Variants in GABRB1 observed in about 807,000 individuals in gnomAD.
GABRB1 encodes the protein gamma-aminobutyric acid type A receptor subunit beta1.
GABRB1 carries 17 observed loss-of-function variants against 51.6 expected under a neutral mutation model. The ratio of observed to expected loss-of-function variants is 0.33; its 90% CI spans 0.23 to 0.49. GABRB1 has a LOEUF of 0.49. GABRB1 is among the 20% of genes least tolerant of loss of function. GABRB1 has a pLI of 0.99. For synonymous variants in GABRB1, 247 were observed against 218.9 expected (o/e 1.13, Z -1.14); for missense variants, 410 against 600.6 (o/e 0.68, Z 3.32).
intron 5 of GABRB1, among the ~76,000 whole-genome samples, chr4:47,375,181 A>G (rs1195433475): frequency 1.3e-5 from 2 of 152,234 alleles, no homozygotes; most frequent in African/African-American, 4.8e-5. Context: ...AATTACTGTT[A>G]TAGGTAAAGA....
intron 5 of GABRB1, among the ~76,000 whole-genome samples, chr4:47,350,833 C>A (rs1206722572): frequency 6.6e-6 from 1 of 152,090 alleles, no homozygotes; most frequent in Non-Finnish European, 1.5e-5. Flanking sequence ...TGACCCTGAT[C>A]AACGTGAACA....
intron 5 of GABRB1, among the ~76,000 whole-genome samples, chr4:47,338,861 C>T (rs1471943384): frequency 2.0e-5 from 3 of 152,120 alleles, no homozygotes; most frequent in Non-Finnish European, 4.4e-5. Context: ...GATAAATCTT[C>T]CATTTTTTTA....
At chr4:47,319,145 T>C (rs537849841) in intron 4 of GABRB1, among the ~76,000 whole-genome samples, 1 of 152,276 alleles carries the variant, frequency 6.6e-6, no homozygotes, top group South Asian at 2.1e-4. Context: ...CATCCTTTTG[T>C]GGGCATTTGT....
chr4:47,032,354 G>C, intron 2 of GABRB1, 63 bp from the exon 3 acceptor site: 2 of 1,432,704 alleles, frequency 1.4e-6, no homozygotes, highest in East Asian at 4.6e-5. Context: ...GAAGCCCCCA[G>C]ACCCTCCCCA....
chr4:47,333,463 C>A (rs564353887), intron 5 of GABRB1, among the ~76,000 whole-genome samples: 14 of 152,090 alleles, frequency 9.2e-5, no homozygotes, highest in Admixed American at 2.6e-4. Flanking sequence ...GCCTGTAATC[C>A]CAGCATTTTG....
chr4:47,049,805 T>C (rs1258017516), intron 3 of GABRB1, among the ~76,000 whole-genome samples: 1 of 152,180 alleles, frequency 6.6e-6, no homozygotes, highest in East Asian at 1.9e-4. Flanking sequence ...TCATAGAACA[T>C]AGTTTAGGGA....
chr4:47,266,079 T>C (rs190359176), intron 4 of GABRB1, among the ~76,000 whole-genome samples: 2 of 152,332 alleles, frequency 1.3e-5, no homozygotes, highest in African/African-American at 4.8e-5. Context: ...TTTCAGGTCT[T>C]ACATTTAACC....
chr4:47,249,710 C>T (rs1424553868), intron 4 of GABRB1, among the ~76,000 whole-genome samples: 1 of 152,116 alleles, frequency 6.6e-6, no homozygotes, highest in Non-Finnish European at 1.5e-5. Context: ...ACTACTGTTG[C>T]TTAAAAGTTT....
chr4:47,383,253 G>A (rs1210656141), intron 5 of GABRB1, among the ~76,000 whole-genome samples: 1 of 152,140 alleles, frequency 6.6e-6, no homozygotes, highest in African/African-American at 2.4e-5. Context: ...CCAGAGAAAA[G>A]CTATTTTTCT....
intron 5 of GABRB1, among the ~76,000 whole-genome samples, chr4:47,328,848 C>CTGTTG (rs1421047114): frequency 1.8e-4 from 27 of 151,190 alleles, no homozygotes; most frequent in Non-Finnish European, 2.4e-4. Context: ...AGCACACCAA[C>CTGTTG]ATGGCACATG....
At position 47,125,559 on chromosome 4, in the gene GABRB1, C is replaced by T. The variant is rs369500462; in HGVS notation, c.241-35690C>T. Among the ~76,000 whole-genome samples the T allele has an allele frequency of 2.3e-3, 182 of 80,652 alleles. 1 individual carries two copies. Among genetic ancestry groups the T allele is most frequent in the East Asian group, 4.2e-3 (11 of 2,598 alleles). The allele number at this position is 80,652 out of a possible 152,430, so 52.9% of individuals were successfully genotyped here. On this transcript the variant is annotated intron_variant, in intron 3 of 8. Transcript: ENST00000295454. The stretch of plus-strand genomic sequence containing the variant: ...CTCTAGACACAACAAAGTATAATTT[C>T]TTTTTTTTTTTTTTGAGACGGAGTC...
At chr4:47,394,385 T>C (rs1008012953) in intron 5 of GABRB1, among the ~76,000 whole-genome samples, 3 of 152,198 alleles carry the variant, frequency 2.0e-5, no homozygotes, top group African/African-American at 7.2e-5. Flanking sequence ...CAAATACCCA[T>C]TGTAATTATT....
chr4:47,235,811 A>G (rs1475128540), intron 4 of GABRB1, among the ~76,000 whole-genome samples: 1 of 152,146 alleles, frequency 6.6e-6, no homozygotes, highest in South Asian at 2.1e-4. Context: ...AACGATTAAG[A>G]TGTTAAATTG....
intron 4 of GABRB1, among the ~76,000 whole-genome samples, chr4:47,242,682 T>G (rs1250371008): frequency 1.3e-5 from 2 of 152,250 alleles, no homozygotes; most frequent in African/African-American, 4.8e-5. Flanking sequence ...GAATAATGTC[T>G]TCTTTTGAGA....
intron 8 of GABRB1, among the ~76,000 whole-genome samples, chr4:47,419,879 A>G (rs553009449): frequency 2.0e-5 from 3 of 152,272 alleles, no homozygotes; most frequent in Admixed American, 2.0e-4. Context: ...CTGCAGAACT[A>G]AGCTGTATTC....
chr4:47,312,190 G>C (rs11731871), intron 4 of GABRB1, among the ~76,000 whole-genome samples: 26 of 151,842 alleles, frequency 1.7e-4, no homozygotes, highest in East Asian at 7.8e-4. Context: ...GTTCTTTAAA[G>C]TTTTTTACTA....
intron 5 of GABRB1, among the ~76,000 whole-genome samples, chr4:47,329,635 A>C (rs1171503715): frequency 6.7e-6 from 1 of 148,548 alleles, no homozygotes; most frequent in African/African-American, 2.4e-5. Context: ...TATATCCCAC[A>C]TATATACATA....
chr4:47,314,618 A>T (rs1404439972), intron 4 of GABRB1, among the ~76,000 whole-genome samples: 1 of 151,928 alleles, frequency 6.6e-6, no homozygotes, highest in East Asian at 1.9e-4. Flanking sequence ...AATTTTATTT[A>T]AAACTATTGT....
intron 5 of GABRB1, among the ~76,000 whole-genome samples, chr4:47,326,397 TGA>T (rs1725265049): frequency 6.6e-6 from 1 of 152,174 alleles, no homozygotes; most frequent in Admixed American, 6.5e-5. Context: ...ATATTTTGAG[TGA>T]GAGAGATCAC....
Sources: gnomAD v4.1 joint callset for allele counts (sites outside exome capture counted in the v4.1 genomes callset) on GRCh38, gnomAD v4.1.1 for gene constraint, MANE v1.5 for transcripts, NCBI Gene and HGNC (gene_info 2026-07-23, HGNC 2026-07-21) for gene names.